The following TMEM108 variants were observed in gnomAD, a reference collection of about 807,000 sequenced individuals.
TMEM108 encodes the protein cancer/testis antigen 124.
TMEM108 carries 12 observed loss-of-function variants against 35.1 expected under a neutral mutation model. That is an observed-to-expected ratio of 0.34 (90% CI 0.22 to 0.55). TMEM108 has a LOEUF of 0.55. TMEM108 is among the 20% of genes least tolerant of loss of function. The pLI is 0.89. For missense variants in TMEM108, 680 were observed against 753.3 expected (o/e 0.90, Z 1.14); for synonymous variants, 287 against 308.6 (o/e 0.93, Z 0.73).
At chr3:133,254,734 C>T (rs1946521407) in intron 3 of TMEM108, among the ~76,000 whole-genome samples, 1 of 152,208 alleles carries the variant, frequency 6.6e-6, no homozygotes, top group Non-Finnish European at 1.5e-5. Flanking sequence ...ACAATTACCC[C>T]AGACCTTCGT....
rs1392607865 is a variant in TMEM108 at position 133,390,177 on chromosome 3, T to C, written c.1451-3T>C. ...TCCTCTCTGACTTGCACTCTCTCCA[T>C]AGCTGTCCTGCTGACGGTGTGCTGC... On this transcript the variant is annotated splice_polypyrimidine_tract_variant and splice_region_variant and intron_variant, in intron 4 of 5. Transcript: ENST00000321871. The C allele has an allele frequency of 1.2e-6, 2 of 1,613,992 alleles. No individual in the cohort carries two copies. The highest frequency in any genetic ancestry group is 1.7e-6 in the Non-Finnish European group (2 of 1,179,992).
chr3:133,124,640 A>G (rs1237214150), intron 2 of TMEM108, among the ~76,000 whole-genome samples: 1 of 152,230 alleles, frequency 6.6e-6, no homozygotes, highest in African/African-American at 2.4e-5. Context: ...GATAAGCGAC[A>G]AAAAGCCAAC....
At chr3:133,078,158 T>TGTGTGTGTGTGTGTGTGTGTGTGTGTGC (rs770304551) in intron 2 of TMEM108, among the ~76,000 whole-genome samples, 11 of 116,852 alleles carry the variant, frequency 9.4e-5, no homozygotes, top group African/African-American at 3.2e-4. Flanking sequence ...TGTGTGTGTG[T>TGTGTGTGTGTGTGTGTGTGTGTGTGTGC]GCACGCGCGC....
At chr3:133,212,444 C>A (rs1945845494) in intron 2 of TMEM108, among the ~76,000 whole-genome samples, 1 of 152,144 alleles carries the variant, frequency 6.6e-6, no homozygotes, top group Non-Finnish European at 1.5e-5. Context: ...CACAGAACTG[C>A]CACAAAGTGA....
At chr3:133,236,240 G>A (rs1946235599) in intron 3 of TMEM108, among the ~76,000 whole-genome samples, 1 of 152,034 alleles carries the variant, frequency 6.6e-6, no homozygotes, top group Non-Finnish European at 1.5e-5. Flanking sequence ...TGCACCCTTT[G>A]CATCTACTGG....
At chr3:133,084,274 G>A (rs17294688) in intron 2 of TMEM108, among the ~76,000 whole-genome samples, 1 of 151,974 alleles carries the variant, frequency 6.6e-6, no homozygotes, top group African/African-American at 2.4e-5. Context: ...AGGCCCTCTG[G>A]TCAACTAGAT....
At chr3:133,363,028 A>G (rs1161572115) in intron 3 of TMEM108, among the ~76,000 whole-genome samples, 1 of 152,122 alleles carries the variant, frequency 6.6e-6, no homozygotes, top group South Asian at 2.1e-4. Flanking sequence ...TGGGATGGAG[A>G]TGTGCTGTAG....
At chr3:133,324,013 A>G (rs373625492) in intron 3 of TMEM108, among the ~76,000 whole-genome samples, 36 of 152,198 alleles carry the variant, frequency 2.4e-4, no homozygotes, top group African/African-American at 8.4e-4. Flanking sequence ...CTCACCTTAT[A>G]CAAAAATCAA....
intron 3 of TMEM108, among the ~76,000 whole-genome samples, chr3:133,377,672 A>G (rs1445684513): frequency 6.6e-6 from 1 of 152,248 alleles, no homozygotes; most frequent in African/African-American, 2.4e-5. Flanking sequence ...TCGAATACAC[A>G]GAATGTGCTG....
At chr3:133,382,033 C>T (rs75545696) in intron 4 of TMEM108, among the ~76,000 whole-genome samples, 1 of 152,194 alleles carries the variant, frequency 6.6e-6, no homozygotes, top group African/African-American at 2.4e-5. Flanking sequence ...CTGGTACAAC[C>T]TCTCAGAACT....
intron 3 of TMEM108, among the ~76,000 whole-genome samples, chr3:133,323,418 CT>C (rs1178078506): frequency 6.6e-6 from 1 of 152,100 alleles, no homozygotes; most frequent in Non-Finnish European, 1.5e-5. Flanking sequence ...GAACTCACCC[CT>C]TTTACAACAG....
intron 2 of TMEM108, among the ~76,000 whole-genome samples, chr3:133,188,311 G>T (rs1487183805): frequency 6.6e-6 from 1 of 152,078 alleles, no homozygotes; most frequent in Non-Finnish European, 1.5e-5. Flanking sequence ...GAAAGAGATT[G>T]GATATTATAG....
At chr3:133,144,876 A>T (rs1054858927) in intron 2 of TMEM108, among the ~76,000 whole-genome samples, 10 of 152,174 alleles carry the variant, frequency 6.6e-5, no homozygotes, top group South Asian at 2.1e-4. Flanking sequence ...GCCCTTTGTC[A>T]GATGGATAGA....
chr3:133,277,370 T>A (rs569860480), intron 3 of TMEM108, among the ~76,000 whole-genome samples: 200 of 152,336 alleles, frequency 1.3e-3, no homozygotes, highest in Non-Finnish European at 2.3e-3. Context: ...AAAAGTTACG[T>A]ATTAGTAAAT....
At chr3:133,157,395 T>C (rs1246872237) in intron 2 of TMEM108, among the ~76,000 whole-genome samples, 2 of 152,228 alleles carry the variant, frequency 1.3e-5, no homozygotes, top group East Asian at 1.9e-4. Flanking sequence ...AGTGGTTGAA[T>C]ATAATTAAAG....
intron 2 of TMEM108, among the ~76,000 whole-genome samples, chr3:133,127,535 G>T (rs1944432954): frequency 6.6e-6 from 1 of 152,152 alleles, no homozygotes; most frequent in Non-Finnish European, 1.5e-5. Flanking sequence ...GCCTGGCAAG[G>T]AGTTATCTGT....
In TMEM108 at chr3:133,058,137, A is replaced by G. The variant is rs1943495153; in HGVS notation, c.-47+12117A>G. Among the ~76,000 whole-genome samples, 3 of 152,364 alleles carry G rather than the reference A, an allele frequency of 2.0e-5. No individual in the cohort carries two copies. The South Asian group carries it at 6.2e-4, about 32-fold the overall frequency. ...GTAATTATGAGTACCAGGAAAAAAAAGTAAATGAGAAGAGAGATGTATAGC... is the reference window on the plus strand; with the variant it reads ...GTAATTATGAGTACCAGGAAAAAAAGGTAAATGAGAAGAGAGATGTATAGC... On this transcript the variant is annotated intron_variant, in intron 2 of 5. Transcript: ENST00000321871.
Position 133,051,282 on chromosome 3 carries a change from CT to C in TMEM108, c.-47+5266del, listed in dbSNP as rs908182047. On this transcript the variant is annotated intron_variant, in intron 2 of 5. Transcript: ENST00000321871. ...CCTGATAACAAATGATGTAGAACAT[CT>C]TTTGATATGCATACTTGCCATCTGT... Among the ~76,000 whole-genome samples, 412 of 152,168 alleles carry C rather than the reference CT, an allele frequency of 2.7e-3. 2 individuals are homozygous for C. The highest frequency in any genetic ancestry group is 9.6e-3 in the African/African-American group (400 of 41,536).
rs151298208 is a variant in TMEM108 at position 133,230,773 on chromosome 3, C to T, written c.40+1422C>T. 3.6e-3 allele frequency among the ~76,000 whole-genome samples: 553 copies of T among 152,182 alleles called. 5 individuals carry two copies. The highest frequency in any genetic ancestry group is 0.012 in the African/African-American group (505 of 41,532). ...CAAAGTTTGCATAATATTTTAGGGT[C>T]GTATGTTATTTGAAAGGCATCAGTA... On this transcript the variant is annotated intron_variant, in intron 3 of 5. Transcript: ENST00000321871.
Sources: allele counts gnomAD v4.1 joint callset (sites outside exome capture counted in the v4.1 genomes callset), GRCh38; gene constraint gnomAD v4.1.1; transcripts MANE v1.5; gene names NCBI Gene and HGNC (gene_info 2026-07-23, HGNC 2026-07-21).